Variants in SAE1 observed in about 807,000 individuals in gnomAD.
SAE1 encodes SUMO1 activating enzyme subunit 1, also known as SUMO-activating enzyme subunit 1.
A neutral mutation model predicts 40.6 loss-of-function variants in SAE1; 11 were observed. The observed-to-expected ratio is 0.27, with a 90% CI of 0.17 to 0.45. The LOEUF (loss-of-function observed/expected upper bound fraction) is 0.45. Ranked by LOEUF, SAE1 falls within the 20% of genes least tolerant of loss-of-function variation. SAE1 has a pLI of 1.00. For missense variants in SAE1, 373 were observed against 427.3 expected (o/e 0.87, Z 1.12); for synonymous variants, 155 against 154.3 (o/e 1.00, Z -0.03).
intron 1 of SAE1, among the ~76,000 whole-genome samples, chr19:47,140,063 G>A (rs868497663): frequency 1.3e-5 from 2 of 148,748 alleles, no homozygotes; most frequent in Non-Finnish European, 3.0e-5. Flanking sequence ...TCAGCTTCCC[G>A]AGTAGCTGAG....
intron 6 of SAE1, among the ~76,000 whole-genome samples, chr19:47,172,877 A>G (rs1568599217): frequency 6.6e-6 from 1 of 152,094 alleles, no homozygotes; most frequent in Non-Finnish European, 1.5e-5. Flanking sequence ...TCATCTCACA[A>G]AGGCCCTCAG....
At chr19:47,205,084 G>A (rs1432213162) in intron 8 of SAE1, among the ~76,000 whole-genome samples, 1 of 152,194 alleles carries the variant, frequency 6.6e-6, no homozygotes, top group Non-Finnish European at 1.5e-5. Flanking sequence ...GCCCGAAGAT[G>A]TTAAATTTGC....
chr19:47,184,402 T>G (rs1221454054), intron 6 of SAE1, among the ~76,000 whole-genome samples: 1 of 152,130 alleles, frequency 6.6e-6, no homozygotes, highest in Non-Finnish European at 1.5e-5. Context: ...CTGTCTTTTT[T>G]GTTTTTTGCT....
At position 47,148,035 on chromosome 19, in the gene SAE1, C is replaced by T. The variant is rs569505623; in HGVS notation, c.211-2167C>T. Among the ~76,000 whole-genome samples, 3 of 152,218 alleles carry T rather than the reference C, an allele frequency of 2.0e-5. No homozygotes were observed. In the East Asian group the frequency reaches 5.8e-4, roughly 29 times the overall value. ...TTGGCCTCCCAAAGTGCTGGGATTA[C>T]AGGCGTGAGCCACCACGCGTGGCCC... On this transcript the variant is annotated intron_variant, in intron 2 of 8. Coordinates refer to ENST00000270225, the MANE Select transcript of SAE1 (RefSeq NM_005500.3).
At chr19:47,170,126 C>CT (rs2058421832) in intron 6 of SAE1, among the ~76,000 whole-genome samples, 1 of 152,122 alleles carries the variant, frequency 6.6e-6, no homozygotes. Flanking sequence ...ATGACTTCTC[C>CT]TTTTTTTACT....
intron 6 of SAE1, among the ~76,000 whole-genome samples, chr19:47,184,713 G>A (rs1483816597): frequency 1.3e-5 from 2 of 151,890 alleles, no homozygotes; most frequent in Non-Finnish European, 2.9e-5. Flanking sequence ...TGCCGGCCTC[G>A]TTCTGTCGTA....
At position 47,197,471 on chromosome 19, in the gene SAE1, T is replaced by C; in HGVS notation, c.878+94T>C. 5 of 1,094,118 alleles carry C rather than the reference T, an allele frequency of 4.6e-6. No homozygotes were observed. In the Admixed American group the frequency reaches 6.9e-5, roughly 15 times the overall value. The allele number at this position is 1,094,118 out of a possible 1,614,324, so 67.8% of individuals were successfully genotyped here. A position where few individuals can be genotyped will look rare whatever the true frequency, so the allele number is the denominator to read the frequency against. On this transcript the variant is annotated intron_variant, in intron 7 of 8. Coordinates refer to ENST00000270225, the MANE Select transcript of SAE1 (RefSeq NM_005500.3). ...TGACAAGCTCTTTTATTAGAAACCC[T>C]TCAGAGAGCACCCTGCCACATTCTG...
Position 47,210,316 on chromosome 19 carries a change from A to G in SAE1, c.*1065A>G, listed in dbSNP as rs762462018. On this transcript the variant is annotated 3_prime_UTR_variant, in exon 9 of 9. Transcript: ENST00000270225. ...CCTCTCCCTCACCATTCCTGCCACC[A>G]TTTTTTCTGGGTGATGCAGCAAGAG... 6 of 151,748 alleles carry G rather than the reference A, an allele frequency of 4.0e-5. No individual in the cohort carries two copies. The highest frequency in any genetic ancestry group is 9.7e-5 in the African/African-American group (4 of 41,278). The allele number at this position is 151,748 out of a possible 1,614,324, so 9.4% of individuals were successfully genotyped here.
At chr19:47,168,947 T>C (rs1314678815) in intron 5 of SAE1, among the ~76,000 whole-genome samples, 3 of 152,194 alleles carry the variant, frequency 2.0e-5, no homozygotes, top group Non-Finnish European at 4.4e-5. Flanking sequence ...ATTGCATTTA[T>C]CAAGATAATT....
intron 1 of SAE1, among the ~76,000 whole-genome samples, chr19:47,133,210 C>T (rs947147527): frequency 6.6e-6 from 1 of 152,150 alleles, no homozygotes; most frequent in African/African-American, 2.4e-5. Flanking sequence ...GTGGGAGTAA[C>T]ATGATCTGTT....
chr19:47,160,171 G>T lies in SAE1; in HGVS notation c.627+4958G>T, dbSNP rs145008973. Among the ~76,000 whole-genome samples, 573 of 149,958 alleles carry T rather than the reference G, an allele frequency of 3.8e-3. 5 individuals are homozygous for T. Among genetic ancestry groups the T allele is most frequent in the African/African-American group, 0.013 (545 of 40,730 alleles). On this transcript the variant is annotated intron_variant, in intron 5 of 8. Coordinates refer to ENST00000270225, the MANE Select transcript of SAE1 (RefSeq NM_005500.3). ...ATATTTAGAAGTAAGTCACTCAGTT[G>T]CCTGGATTGGAACCCTCAGGCCAGA...
At chr19:47,155,277 A>G in intron 5 of SAE1, 64 bp downstream of exon 5, 1 of 1,119,836 alleles carries the variant, frequency 8.9e-7, no homozygotes, top group Non-Finnish European at 1.4e-6. Flanking sequence ...GGCAATGACG[A>G]TTGAAAAGGA....
intron 5 of SAE1, among the ~76,000 whole-genome samples, chr19:47,155,834 A>C (rs2058320594): frequency 7.0e-6 from 1 of 143,184 alleles, no homozygotes; most frequent in Non-Finnish European, 1.5e-5. Flanking sequence ...TCCACGTCCC[A>C]GGTTCAAGAG....
At chr19:47,194,619 G>C (rs1380431612) in intron 6 of SAE1, among the ~76,000 whole-genome samples, 1 of 152,174 alleles carries the variant, frequency 6.6e-6, no homozygotes, top group African/African-American at 2.4e-5. Context: ...TTAGAGACAA[G>C]GCTCGAGACT....
chr19:47,132,462 T>G (rs1389513460), intron 1 of SAE1, among the ~76,000 whole-genome samples: 1 of 151,360 alleles, frequency 6.6e-6, no homozygotes, highest in Non-Finnish European at 1.5e-5. Flanking sequence ...TTTGCCATGT[T>G]GCCCAGACTG....
intron 5 of SAE1, among the ~76,000 whole-genome samples, chr19:47,167,650 T>C (rs17802270): frequency 0.014 from 2,143 of 152,240 alleles, 106 homozygotes; most frequent in Admixed American, 0.096. Flanking sequence ...TATGCTGTTA[T>C]CATCTTGTCT....
At chr19:47,185,869 T>C (rs1190891884) in intron 6 of SAE1, among the ~76,000 whole-genome samples, 1 of 151,346 alleles carries the variant, frequency 6.6e-6, no homozygotes, top group Non-Finnish European at 1.5e-5. Context: ...CCCAAAGTGC[T>C]GGGATTACAG....
At chr19:47,134,237 G>T (rs2058165150) in intron 1 of SAE1, among the ~76,000 whole-genome samples, 1 of 152,030 alleles carries the variant, frequency 6.6e-6, no homozygotes, top group South Asian at 2.1e-4. Context: ...GGTGATGGTG[G>T]GTATTGTGTG....
intron 6 of SAE1, among the ~76,000 whole-genome samples, chr19:47,175,171 A>G (rs930745805): frequency 7.9e-6 from 1 of 126,676 alleles, no homozygotes; most frequent in Non-Finnish European, 1.6e-5. Context: ...TTCTGATTTC[A>G]GGATGCAGGG....
Sources: gnomAD v4.1 joint callset for allele counts (sites outside exome capture counted in the v4.1 genomes callset) on GRCh38, gnomAD v4.1.1 for gene constraint, MANE v1.5 for transcripts, NCBI Gene and HGNC (gene_info 2026-07-23, HGNC 2026-07-21) for gene names.